Variants in KIF1B observed in about 807,000 individuals in gnomAD.
KIF1B encodes kinesin-like protein KIF1B.
A neutral mutation model predicts 241.9 loss-of-function variants in KIF1B; 76 were observed. The ratio of observed to expected loss-of-function variants is 0.31; its 90% CI spans 0.26 to 0.38. KIF1B has a LOEUF of 0.38. KIF1B is among the 10% of genes least tolerant of loss of function. The probability of loss-of-function intolerance (pLI) is 1.00; values close to 1 mark genes in which losing one functional copy is unlikely to be tolerated. For synonymous variants in KIF1B, 750 were observed against 796.7 expected, an observed-to-expected ratio of 0.94 and a Z score of 0.99; for missense variants, 1,622 against 2,271.4, an observed-to-expected ratio of 0.71 and a Z score of 5.81.
At chr1:10,237,170 T>A (rs935988610) in intron 2 of KIF1B, among the ~76,000 whole-genome samples, 2 of 152,254 alleles carry the variant, frequency 1.3e-5, no homozygotes, top group African/African-American at 4.8e-5. Flanking sequence ...TAAATGTTAC[T>A]GTCTTGACAT....
Position 10,232,338 on chromosome 1 carries a change from G to C in KIF1B, c.10G>C (p.Ala4Pro), listed in dbSNP as rs371015089. MSG[A>P]SVKVAVRVRP... ...TAACAAGGCCATTAAAATGTCGGGA[G>C]CCTCAGTGAAGGTGGCTGTCCGGGT... is the stretch of plus-strand genomic sequence containing the variant. Residue 4 changes from alanine to proline, a missense_variant, in exon 2 of 49, where the codon GCC (alanine) becomes CCC (proline). Around this residue, in one of 7 missense-constraint regions of KIF1B, gnomAD observed 156 missense variants for 244.8 expected, o/e 0.64. Coordinates refer to ENST00000676179, the MANE Select transcript of KIF1B (RefSeq NM_001365951.3). 1 of 1,611,968 alleles carries C rather than the reference G, an allele frequency of 6.2e-7. No homozygotes were observed.
In KIF1B at chr1:10,321,713, T is replaced by C; in HGVS notation, c.2214T>C (p.Pro738=). The C allele has an allele frequency of 6.2e-7, 1 of 1,614,096 alleles. No homozygotes were observed. The highest frequency in any genetic ancestry group is 1.3e-5 in the African/African-American group (1 of 75,064). ...ATGCATCATTCATTCTTTCAGTTCC[T>C]TGGACACAGCATGAATTTGAGTTGG... ...TEEEEEEEEV[P]WTQHEFELAQ... Residue 738 remains proline, a synonymous_variant, in exon 24 of 49, where the codon CCT becomes CCC. Coordinates refer to ENST00000676179, the MANE Select transcript of KIF1B (RefSeq NM_001365951.3).
chr1:10,276,289 T>G (rs751886602), intron 11 of KIF1B, 32 bp from the exon 12 acceptor site: 2 of 1,483,902 alleles, frequency 1.3e-6, no homozygotes, highest in South Asian at 2.3e-5. Flanking sequence ...CTAAAATGAG[T>G]GTGATTTGAT....
At chr1:10,320,715 C>CTTATTTATTTATTTAT (rs58385105) in intron 23 of KIF1B, among the ~76,000 whole-genome samples, 3 of 151,340 alleles carry the variant, frequency 2.0e-5, no homozygotes, top group Non-Finnish European at 4.4e-5. Context: ...TATTACATTT[C>CTTATTTATTTATTTAT]TTATTTATTT....
intron 2 of KIF1B, among the ~76,000 whole-genome samples, chr1:10,253,687 G>C (rs762229290): frequency 1.3e-5 from 2 of 152,194 alleles, no homozygotes; most frequent in Non-Finnish European, 2.9e-5. Flanking sequence ...ATGGCTCAGA[G>C]TAAGTGTTCT....
Position 10,374,586 on chromosome 1 carries a change from G to T in KIF1B, c.5096+121G>T. ...TCTGATGCAATCTGTACTGTAGTCT[G>T]ATGCAAGTTGAGTCTGGGGTGAGAG... On this transcript the variant is annotated intron_variant, in intron 46 of 48. Coordinates refer to ENST00000676179, the MANE Select transcript of KIF1B (RefSeq NM_001365951.3). This position sits in a 1 kb window ranked among gnomAD's most constrained non-coding sequence, Gnocchi z 4.3. 1 of 1,233,838 alleles carries T rather than the reference G, an allele frequency of 8.1e-7. No homozygotes were observed. 76.4% of individuals were successfully genotyped at this position (1,233,838 alleles called of 1,614,324 possible).
rs752961794 is a variant in KIF1B at position 10,303,512 on chromosome 1, A to G, written c.2115+6266A>G. 41 of 1,614,198 alleles carry G rather than the reference A, an allele frequency of 2.5e-5. No individual in the cohort carries two copies. The highest frequency in any genetic ancestry group is 3.4e-5 in the Non-Finnish European group (40 of 1,180,038). On this transcript the variant is annotated intron_variant, in intron 22 of 48. Transcript: ENST00000676179. The surrounding 1 kb of genome is among the most constrained non-coding windows in gnomAD (Gnocchi z 5.2). ...AAGGAGCTTTGTGCCATGTATGGCA[A>G]GAAAGACCCCAATGAGCGGGACTCC...
At chr1:10,238,350 C>T (rs1348618454) in intron 2 of KIF1B, among the ~76,000 whole-genome samples, 1 of 143,896 alleles carries the variant, frequency 6.9e-6, no homozygotes, top group Non-Finnish European at 1.5e-5. Flanking sequence ...CGTTGCACTC[C>T]ATCCTGGGCG....
chr1:10,336,816 T>C, intron 29 of KIF1B, 74 bp downstream of exon 29: 2 of 1,387,930 alleles, frequency 1.4e-6, no homozygotes, highest in Non-Finnish European at 1.0e-6. Flanking sequence ...TCAGTTCTCC[T>C]GTAAAACTGA....
intron 15 of KIF1B, among the ~76,000 whole-genome samples, chr1:10,288,910 C>G (rs754812452): frequency 6.6e-6 from 1 of 152,156 alleles, no homozygotes; most frequent in African/African-American, 2.4e-5. Context: ...TCCAGAAAGT[C>G]AAACACTAGA....
At chr1:10,307,161 G>A (rs1650870759) in intron 22 of KIF1B, 1 of 1,030,432 alleles carries the variant, frequency 9.7e-7, no homozygotes, top group Admixed American at 5.7e-5. Flanking sequence ...TGACTGCCAT[G>A]TATGTCCCAT....
intron 27 of KIF1B, among the ~76,000 whole-genome samples, chr1:10,328,139 A>G (rs1403360335): frequency 2.0e-5 from 3 of 152,344 alleles, no homozygotes; most frequent in Non-Finnish European, 2.9e-5. Context: ...GCAGTGAGCC[A>G]TGATTGCACC....
In KIF1B at chr1:10,326,395, C is replaced by T; in HGVS notation, c.2924+36C>T. On this transcript the variant is annotated intron_variant, in intron 27 of 48. Transcript: ENST00000676179. This position sits in a 1 kb window ranked among gnomAD's most constrained non-coding sequence, Gnocchi z 5.2. ...TTATTGTGAGAAAGGCGAAAAGGGA[C>T]CAGCTCTTGCTCTGAAGGCCTCCCT... 6.2e-7 allele frequency: 1 copy of T among 1,613,404 alleles called. No homozygotes were observed.
intron 1 of KIF1B, among the ~76,000 whole-genome samples, chr1:10,228,054 GGGCTTCT>G (rs1646933317): frequency 6.6e-6 from 1 of 151,594 alleles, no homozygotes; most frequent in Non-Finnish European, 1.5e-5. Flanking sequence ...GCGTGCTGGT[GGGCTTCT>G]GTAATCCCAG....
intron 4 of KIF1B, 97 bp from the exon 5 acceptor site, chr1:10,261,808 C>G (rs1055923244): frequency 1.3e-6 from 1 of 791,030 alleles, no homozygotes; most frequent in African/African-American, 1.7e-5. Context: ...TGAGATGGAG[C>G]AAGAAAGGAC....
chr1:10,256,621 A>G (rs576122608), intron 3 of KIF1B, among the ~76,000 whole-genome samples: 1 of 151,848 alleles, frequency 6.6e-6, no homozygotes, highest in African/African-American at 2.4e-5. Flanking sequence ...ACATTTCTTG[A>G]GGATTTATTT....
chr1:10,286,618 A>C (rs182202475), intron 15 of KIF1B, among the ~76,000 whole-genome samples: 3 of 152,344 alleles, frequency 2.0e-5, no homozygotes, highest in African/African-American at 7.2e-5. Flanking sequence ...TTTTCATGGA[A>C]ATATTTCTGA....
chr1:10,378,510 C>G lies in KIF1B; in HGVS notation c.*1923C>G. 5.6e-6 allele frequency: 4 copies of G among 708,808 alleles called. No homozygotes were observed. Among genetic ancestry groups the G allele is most frequent in the Non-Finnish European group, 1.1e-5 (4 of 380,864 alleles). 43.9% of individuals were successfully genotyped at this position (708,808 alleles called of 1,614,324 possible). A position where few individuals can be genotyped will look rare whatever the true frequency, so the allele number is the denominator to read the frequency against. ...TCCTTTACTTCCCTTGCTCAGACCT[C>G]TCTGTTTCACCATTGCTCAGGCATT... On this transcript the variant is annotated 3_prime_UTR_variant, in exon 49 of 49. Coordinates refer to ENST00000676179, the MANE Select transcript of KIF1B (RefSeq NM_001365951.3).
intron 22 of KIF1B, chr1:10,306,756 T>TAA: frequency 7.6e-6 from 4 of 525,600 alleles, no homozygotes; most frequent in Admixed American, 1.3e-4. Context: ...GAACCTGTCT[T>TAA]TAAAAAAAAA....
Sources: allele counts gnomAD v4.1 joint callset (sites outside exome capture counted in the v4.1 genomes callset), GRCh38; gene constraint gnomAD v4.1.1; regional missense constraint gnomAD v4.1.1; non-coding constraint Gnocchi (gnomAD v3.1); transcripts MANE v1.5; gene names NCBI Gene and HGNC (gene_info 2026-07-23, HGNC 2026-07-21).